The following RELN variants were observed in gnomAD, a reference collection of about 807,000 sequenced individuals.
RELN encodes the protein reelin.
In RELN, 108 loss-of-function variants were observed where a neutral mutation model predicts 427.6. The observed-to-expected ratio is 0.25, with a 90% confidence interval of 0.22 to 0.30. The LOEUF is 0.30. Ranked by LOEUF, RELN falls within the 10% of genes least tolerant of loss-of-function variation. The pLI is 1.00. For missense variants in RELN, 3,715 were observed against 4,302.8 expected (o/e 0.86, Z 3.82); for synonymous variants, 1,524 against 1,513.4 (o/e 1.01, Z -0.16).
intron 1 of RELN, among the ~76,000 whole-genome samples, chr7:103,982,846 A>C (rs1797020874): frequency 6.6e-6 from 1 of 152,158 alleles, no homozygotes; most frequent in Non-Finnish European, 1.5e-5. Flanking sequence ...TTTTCTTTTT[A>C]AACTGGGTCT....
In RELN at chr7:103,551,047, G is replaced by T. The variant is rs775229404; in HGVS notation, c.6302+20C>A. 2 of 1,589,360 alleles carry T rather than the reference G, an allele frequency of 1.3e-6. No individual in the cohort carries two copies. Among genetic ancestry groups the T allele is most frequent in the African/African-American group, 1.3e-5 (1 of 74,470 alleles). On this transcript the variant is annotated intron_variant, in intron 41 of 64. Coordinates refer to ENST00000428762, the MANE Select transcript of RELN (RefSeq NM_005045.4). The stretch of plus-strand genomic sequence containing the variant: ...CTGTCAAAGGAGAAACAAATGTGGC[G>T]TCAAGCAGCGGGTCCTTACCCACAA...
intron 5 of RELN, among the ~76,000 whole-genome samples, chr7:103,752,164 A>C (rs2116079667): frequency 6.6e-6 from 1 of 152,292 alleles, no homozygotes; most frequent in African/African-American, 2.4e-5. Flanking sequence ...CAACCCTATG[A>C]GATAGATACT....
chr7:103,489,203 G>GTGTGTGT (rs1828558083), intron 60 of RELN, among the ~76,000 whole-genome samples: 226 of 147,864 alleles, frequency 1.5e-3, no homozygotes, highest in African/African-American at 5.3e-3. Flanking sequence ...GTCATAAAGG[G>GTGTGTGT]GTGTGTGTGT....
At chr7:103,635,916 C>G (rs544160627) in intron 18 of RELN, among the ~76,000 whole-genome samples, 110 of 152,228 alleles carry the variant, frequency 7.2e-4, no homozygotes, top group Non-Finnish European at 1.3e-3. Context: ...TAGAGTAAAT[C>G]TAATCAGCCT....
chr7:103,827,944 G>A (rs143237375), intron 3 of RELN, among the ~76,000 whole-genome samples: 2 of 152,090 alleles, frequency 1.3e-5, no homozygotes, highest in Non-Finnish European at 2.9e-5. Context: ...TTTGCAGTAA[G>A]CTATGTATAA....
At chr7:103,681,738 G>A (rs1175189038) in intron 11 of RELN, among the ~76,000 whole-genome samples, 1 of 151,888 alleles carries the variant, frequency 6.6e-6, no homozygotes, top group Non-Finnish European at 1.5e-5. Flanking sequence ...TGAAAATCAG[G>A]TAGCAGCATC....
chr7:103,907,719 G>A (rs138308240), intron 2 of RELN, among the ~76,000 whole-genome samples: 3 of 151,602 alleles, frequency 2.0e-5, no homozygotes, highest in Non-Finnish European at 4.4e-5. Context: ...GTAAATTATA[G>A]CTTTAAAAGA....
chr7:103,787,514 C>A (rs1792048091), intron 3 of RELN, among the ~76,000 whole-genome samples: 1 of 152,130 alleles, frequency 6.6e-6, no homozygotes, highest in Admixed American at 6.6e-5. Context: ...CACCACTGAT[C>A]CCACAGAAAT....
At chr7:103,692,723 C>A (rs1833897560) in intron 10 of RELN, among the ~76,000 whole-genome samples, 1 of 151,938 alleles carries the variant, frequency 6.6e-6, no homozygotes, top group Non-Finnish European at 1.5e-5. Flanking sequence ...GCAAAGAGGG[C>A]AGGGATAAAG....
In RELN at chr7:103,551,611, T is replaced by C. The variant is rs362790; in HGVS notation, c.6073-315A>G. Among the ~76,000 whole-genome samples the C allele has an allele frequency of 0.095, 14,464 of 152,130 alleles. 713 individuals carry two copies. The highest frequency in any genetic ancestry group is 0.15 in the Middle Eastern group (45 of 294). ...GGCCCATTTTCCTAGCCAAGCCAAG[T>C]AAATCACAGTGAAAAGACTGTTTCC... On this transcript the variant is annotated intron_variant, in intron 40 of 64. Transcript: ENST00000428762.
intron 2 of RELN, among the ~76,000 whole-genome samples, chr7:103,894,936 C>T (rs1458421341): frequency 1.3e-5 from 2 of 152,142 alleles, no homozygotes; most frequent in Non-Finnish European, 2.9e-5. Flanking sequence ...TACACTTACC[C>T]TGCTCATGCT....
chr7:103,505,169 CA>C (rs1829166818), intron 51 of RELN, among the ~76,000 whole-genome samples: 2 of 152,218 alleles, frequency 1.3e-5, no homozygotes, highest in Admixed American at 1.3e-4. Flanking sequence ...CCCTGCTTGA[CA>C]GCTCTGAAGA....
chr7:103,862,647 GTCTTCA>G (rs1230459161), intron 2 of RELN, among the ~76,000 whole-genome samples: 1 of 151,870 alleles, frequency 6.6e-6, no homozygotes, highest in Non-Finnish European at 1.5e-5. Flanking sequence ...CATATGATGG[GTCTTCA>G]TTACATTTCT....
chr7:103,646,942 C>A (rs2117377754), intron 16 of RELN, among the ~76,000 whole-genome samples: 1 of 151,650 alleles, frequency 6.6e-6, no homozygotes, highest in Admixed American at 6.6e-5. Flanking sequence ...TCCAGGGATG[C>A]AAGGATGGCT....
intron 2 of RELN, among the ~76,000 whole-genome samples, chr7:103,888,874 A>ACTAC (rs564894347): frequency 1.3e-3 from 203 of 152,290 alleles, no homozygotes; most frequent in African/African-American, 4.7e-3. Context: ...AACCACTTGC[A>ACTAC]CTACATCTCC....
At chr7:103,727,698 C>A (rs1790247199) in intron 7 of RELN, among the ~76,000 whole-genome samples, 1 of 152,002 alleles carries the variant, frequency 6.6e-6, no homozygotes, top group Non-Finnish European at 1.5e-5. Context: ...TGGCTATGAA[C>A]CAAAGTTTTA....
chr7:103,960,223 G>C (rs1796520734), intron 1 of RELN, among the ~76,000 whole-genome samples: 4 of 152,008 alleles, frequency 2.6e-5, no homozygotes, highest in Admixed American at 2.6e-4. Flanking sequence ...CCCCTTCTTT[G>C]CTCACCTTCC....
chr7:103,791,919 T>C (rs1012900948), intron 3 of RELN, among the ~76,000 whole-genome samples: 6 of 152,058 alleles, frequency 3.9e-5, no homozygotes, highest in Non-Finnish European at 8.8e-5. Context: ...GGGCAAACAA[T>C]TTGAACAGAC....
intron 2 of RELN, among the ~76,000 whole-genome samples, chr7:103,864,548 T>C (rs978900580): frequency 6.6e-5 from 10 of 152,194 alleles, no homozygotes; most frequent in African/African-American, 9.6e-5. Flanking sequence ...ATGCAGTATT[T>C]GTCCTTCTGT....
Sources: allele counts gnomAD v4.1 joint callset (sites outside exome capture counted in the v4.1 genomes callset), GRCh38; gene constraint gnomAD v4.1.1; transcripts MANE v1.5; gene names NCBI Gene and HGNC (gene_info 2026-07-23, HGNC 2026-07-21).